SRGAP2: variants seen among roughly 807,000 people sequenced by gnomAD.
The protein encoded by SRGAP2 is SLIT-ROBO Rho GTPase-activating protein 2.
Under a neutral mutation model 57.2 loss-of-function variants are expected in SRGAP2, and 15 were observed. The observed-to-expected ratio is 0.26, with a 90% confidence interval of 0.18 to 0.40. SRGAP2 has a LOEUF of 0.40. Among genes scored for constraint, SRGAP2 ranks in the 10% least tolerant of loss-of-function variants. The probability of loss-of-function intolerance (pLI) is 1.00; values close to 1 mark genes in which losing one functional copy is unlikely to be tolerated. For synonymous variants in SRGAP2, 249 were observed against 248.0 expected (o/e 1.00, Z -0.04); for missense variants, 520 against 669.6 (o/e 0.78, Z 2.47).
rs1676453543 is a variant in SRGAP2 at position 206,356,571 on chromosome 1, T to G, written c.423+13563T>G. ...TCCATTGTGCTATTCTGATTCTGCT[T>G]CTTGCCCAGCTTGTCCAGAGAGAGA... On this transcript the variant is annotated intron_variant, in intron 4 of 22. Coordinates refer to ENST00000573034, the MANE Select transcript of SRGAP2 (RefSeq NM_015326.5). Among the ~76,000 whole-genome samples, 3 of 152,246 alleles carry G rather than the reference T, an allele frequency of 2.0e-5. No homozygotes were observed. In the South Asian group the frequency reaches 6.2e-4, roughly 32 times the overall value.
intron 3 of SRGAP2, among the ~76,000 whole-genome samples, chr1:206,303,766 A>G (rs1342752389): frequency 5.9e-5 from 9 of 151,968 alleles, no homozygotes; most frequent in African/African-American, 1.9e-4. Flanking sequence ...CTTAATCCCA[A>G]CAACTCCATA....
intron 11 of SRGAP2, among the ~76,000 whole-genome samples, chr1:206,417,416 T>G (rs1269164011): frequency 3.6e-4 from 45 of 124,036 alleles, no homozygotes; most frequent in Admixed American, 6.9e-4. Flanking sequence ...TCTTATGACT[T>G]TTTTTTTTTT....
chr1:206,461,631 G>C lies in SRGAP2; in HGVS notation c.*211G>C, dbSNP rs1224192971. ...CTGCCCTCTGCTTCCCCCAGTCGTC[G>C]TAATTCAGCCAGCTGCAGTCCGTAC... On this transcript the variant is annotated 3_prime_UTR_variant, in exon 23 of 23. Coordinates refer to ENST00000573034, the MANE Select transcript of SRGAP2 (RefSeq NM_015326.5). The C allele has an allele frequency of 3.6e-6, 2 of 558,012 alleles. No homozygotes were observed. Among genetic ancestry groups the C allele is most frequent in the African/African-American group, 3.8e-5 (2 of 53,190 alleles). The allele number at this position is 558,012 out of a possible 1,614,324, so 34.6% of individuals were successfully genotyped here. A position where few individuals can be genotyped will look rare whatever the true frequency, so the allele number is the denominator to read the frequency against.
At position 206,374,170 on chromosome 1, in the gene SRGAP2, G is replaced by A. The variant is rs1275658578; in HGVS notation, c.424-9844G>A. On this transcript the variant is annotated intron_variant, in intron 4 of 22. Transcript: ENST00000573034. ...CTCCCGAATAGCTGGGACTACAGGCGCCCGCCACTACGCCCGGCTAACTTT... is the reference window on the plus strand; with the variant it reads ...CTCCCGAATAGCTGGGACTACAGGCACCCGCCACTACGCCCGGCTAACTTT... Among the ~76,000 whole-genome samples, 851 of 149,966 alleles carry A rather than the reference G, an allele frequency of 5.7e-3. 10 individuals are homozygous for A. Among genetic ancestry groups the A allele is most frequent in the African/African-American group, 0.02 (811 of 40,906 alleles).
intron 4 of SRGAP2, among the ~76,000 whole-genome samples, chr1:206,366,361 G>C (rs1254125064): frequency 1.5e-4 from 23 of 152,244 alleles, no homozygotes; most frequent in African/African-American, 4.8e-4. Flanking sequence ...GTCAAGGGGG[G>C]TGGAGAGAAA....
intron 17 of SRGAP2, among the ~76,000 whole-genome samples, chr1:206,445,150 G>A (rs1418761861): frequency 2.0e-5 from 3 of 152,204 alleles, no homozygotes; most frequent in African/African-American, 4.8e-5. Context: ...GCCTATAAGG[G>A]AGACTCCTCA....
Position 206,277,813 on chromosome 1 carries a change from A to G in SRGAP2, c.68-25468A>G, listed in dbSNP as rs1670498486. On this transcript the variant is annotated intron_variant, in intron 2 of 22. Coordinates refer to ENST00000573034, the MANE Select transcript of SRGAP2 (RefSeq NM_015326.5). Reference sequence around the variant, plus strand: ...GGTGAAAAATACTAAAAATGCAAAAATAAAAAAATTTAAAAAATTAGCCGG... The same window carrying G: ...GGTGAAAAATACTAAAAATGCAAAAGTAAAAAAATTTAAAAAATTAGCCGG... 2.0e-5 allele frequency among the ~76,000 whole-genome samples: 3 copies of G among 152,280 alleles called. No homozygotes were observed. In the South Asian group the frequency reaches 6.2e-4, roughly 32 times the overall value.
intron 17 of SRGAP2, among the ~76,000 whole-genome samples, chr1:206,445,616 G>C (rs745846348): frequency 1.1e-4 from 16 of 152,330 alleles, no homozygotes; most frequent in Non-Finnish European, 1.9e-4. Flanking sequence ...TATGCAAGAA[G>C]GTACACAATG....
At chr1:206,450,637 T>G (rs1170366152) in intron 19 of SRGAP2, among the ~76,000 whole-genome samples, 172 bp downstream of exon 19, 1 of 152,148 alleles carries the variant, frequency 6.6e-6, no homozygotes, top group Non-Finnish European at 1.5e-5. Context: ...TAGCCCACCT[T>G]CTCAAATAGA....
chr1:206,451,937 G>A (rs1663349891), intron 19 of SRGAP2, among the ~76,000 whole-genome samples: 1 of 152,156 alleles, frequency 6.6e-6, no homozygotes, highest in African/African-American at 2.4e-5. Context: ...GGCCATCTAG[G>A]CATGGTCTTA....
chr1:206,221,098 C>A (rs1201215806), intron 2 of SRGAP2, among the ~76,000 whole-genome samples: 4 of 148,022 alleles, frequency 2.7e-5, no homozygotes, highest in Non-Finnish European at 5.9e-5. Flanking sequence ...CGTGCCACCA[C>A]GCCTGGCTAA....
intron 2 of SRGAP2, among the ~76,000 whole-genome samples, chr1:206,240,226 A>G (rs1299065782): frequency 1.3e-5 from 2 of 148,428 alleles, no homozygotes; most frequent in African/African-American, 5.0e-5. Flanking sequence ...AGATTGCACC[A>G]TTGCACTCTA....
chr1:206,267,129 G>C (rs1412011383), intron 2 of SRGAP2, among the ~76,000 whole-genome samples: 2 of 151,548 alleles, frequency 1.3e-5, no homozygotes, highest in Non-Finnish European at 2.9e-5. Flanking sequence ...CCACCACGCC[G>C]GGCTAATTTT....
chr1:206,438,301 C>A (rs1051261262), intron 16 of SRGAP2, among the ~76,000 whole-genome samples: 4 of 152,064 alleles, frequency 2.6e-5, no homozygotes, highest in African/African-American at 7.2e-5. Context: ...ATCTAGGACC[C>A]CCCAAGTCAG....
chr1:206,206,030 G>A lies in SRGAP2; in HGVS notation c.60G>A (p.Gln20=). 1 of 1,548,646 alleles carries A rather than the reference G, an allele frequency of 6.5e-7. No homozygotes were observed. The highest frequency in any genetic ancestry group is 8.7e-7 in the Non-Finnish European group (1 of 1,146,898). Residue 20 remains glutamine (Q), a synonymous_variant, in exon 2 of 23, where the codon CAG becomes CAA. Transcript: ENST00000573034. ...AGATCATAGCAGAGTACGATACTCA[G>A]GTCAAAGGTAAGGGCTTTGAAAAAT... ...DKEIIAEYDT[Q]VKEIRAQLTE... is the part of the protein sequence containing the mutation.
chr1:206,389,292 A>T (rs1260566894), intron 5 of SRGAP2, among the ~76,000 whole-genome samples: 2 of 145,164 alleles, frequency 1.4e-5, no homozygotes, highest in African/African-American at 5.2e-5. Flanking sequence ...CTCCTGCCTC[A>T]GCCTCCCGAG....
intron 3 of SRGAP2, among the ~76,000 whole-genome samples, chr1:206,313,054 G>A (rs1476480965): frequency 4.0e-5 from 6 of 150,258 alleles, no homozygotes; most frequent in Admixed American, 3.3e-4. Flanking sequence ...TTTTTAGGTA[G>A]CTTTTTTTTT....
Position 206,410,550 on chromosome 1 carries a change from T to G in SRGAP2, c.1356+3976T>G, listed in dbSNP as rs568972175. ...TGTCCTTCCAGAGATACTCTATGCATGGACAACAACTGACGTATCTGTAAA... is the reference window on the plus strand; with the variant it reads ...TGTCCTTCCAGAGATACTCTATGCAGGGACAACAACTGACGTATCTGTAAA... On this transcript the variant is annotated intron_variant, in intron 10 of 22. Transcript: ENST00000573034. Among the ~76,000 whole-genome samples, 15 of 152,298 alleles carry G rather than the reference T, an allele frequency of 9.8e-5. No individual in the cohort carries two copies. The East Asian group carries it at 2.9e-3, about 29-fold the overall frequency.
chr1:206,441,227 G>A (rs782188168), intron 17 of SRGAP2, among the ~76,000 whole-genome samples: 5 of 152,174 alleles, frequency 3.3e-5, no homozygotes, highest in Non-Finnish European at 5.9e-5. Context: ...ATGTCCAAGT[G>A]GAGATTTTGA....
Sources: gnomAD v4.1 joint callset for allele counts (sites outside exome capture counted in the v4.1 genomes callset) on GRCh38, gnomAD v4.1.1 for gene constraint, MANE v1.5 for transcripts, NCBI Gene and HGNC (gene_info 2026-07-23, HGNC 2026-07-21) for gene names.